The following EEIG2 variants were observed in gnomAD, a reference collection of about 807,000 sequenced individuals.
EEIG2 encodes the protein EEIG family member 2, also known as family with sequence similarity 102 member B.
the EEIG2 span, among the ~76,000 whole-genome samples, chr1:108,590,517 T>C: frequency 1.5e-3 from 221 of 152,324 alleles, 1 homozygote; most frequent in Admixed American, 4.2e-3. Context: ...TTGTGTGTAA[T>C]AATTCATTTG....
chr1:108,572,679 G>T, the EEIG2 span, among the ~76,000 whole-genome samples: 1 of 151,944 alleles, frequency 6.6e-6, no homozygotes, highest in East Asian at 1.9e-4. Flanking sequence ...GCAATGGTGC[G>T]ATCTCGGCTC....
chr1:108,635,116 C>A, the EEIG2 span: 1 of 1,614,122 alleles, frequency 6.2e-7, no homozygotes, highest in South Asian at 1.1e-5. Flanking sequence ...AGGGTGGGGT[C>A]TGGAGCTTAT....
the EEIG2 span, among the ~76,000 whole-genome samples, chr1:108,630,924 A>G: frequency 6.6e-6 from 1 of 152,202 alleles, no homozygotes; most frequent in African/African-American, 2.4e-5. Context: ...CATTTCTTTT[A>G]CTAATACTCA....
the EEIG2 span, among the ~76,000 whole-genome samples, chr1:108,573,554 G>C: frequency 6.6e-6 from 1 of 152,128 alleles, no homozygotes; most frequent in Non-Finnish European, 1.5e-5. Context: ...GAATTTGTTT[G>C]TATTTACAAT....
the EEIG2 span, among the ~76,000 whole-genome samples, chr1:108,619,185 A>G: frequency 6.6e-6 from 1 of 152,186 alleles, no homozygotes; most frequent in South Asian, 2.1e-4. Flanking sequence ...AGATCATCTA[A>G]TGTTTTATAT....
At chr1:108,585,090 C>G in the EEIG2 span, among the ~76,000 whole-genome samples, 1 of 152,082 alleles carries the variant, frequency 6.6e-6, no homozygotes, top group African/African-American at 2.4e-5. Context: ...TAATTATACA[C>G]AATTGAAAAC....
At chr1:108,600,630 G>T in the EEIG2 span, 1 of 1,610,970 alleles carries the variant, frequency 6.2e-7, no homozygotes, top group Middle Eastern at 1.6e-4. Flanking sequence ...CAAAATGAGT[G>T]CAAGTGCTGC....
At chr1:108,578,644 C>T in the EEIG2 span, among the ~76,000 whole-genome samples, 27 of 151,970 alleles carry the variant, frequency 1.8e-4, no homozygotes, top group African/African-American at 6.5e-4. Context: ...ATCCCAGATT[C>T]ACCGAAGTTG....
chr1:108,579,772 T>TGTGTGA, the EEIG2 span, among the ~76,000 whole-genome samples: 104 of 58,874 alleles, frequency 1.8e-3, no homozygotes, highest in African/African-American at 6.1e-3. Flanking sequence ...TGTGTGTGTG[T>TGTGTGA]GAGAGAGAGA....
the EEIG2 span, chr1:108,637,730 T>G: frequency 2.0e-5 from 3 of 152,234 alleles, no homozygotes; most frequent in Non-Finnish European, 4.4e-5. Context: ...ATTTCAAAGC[T>G]GTGTATTTGT....
the EEIG2 span, among the ~76,000 whole-genome samples, chr1:108,610,477 A>G: frequency 1.3e-5 from 2 of 152,202 alleles, no homozygotes; most frequent in East Asian, 3.8e-4. Context: ...AGGATGAGAA[A>G]GCGATGTTGG....
the EEIG2 span, chr1:108,627,961 C>G: frequency 8.8e-5 from 46 of 524,526 alleles, no homozygotes; most frequent in Admixed American, 1.1e-3. Flanking sequence ...AAATATAATT[C>G]TTCAGCGAAC....
the EEIG2 span, chr1:108,625,737 C>A: frequency 1.3e-5 from 2 of 152,720 alleles, no homozygotes; most frequent in African/African-American, 4.8e-5. Flanking sequence ...TCTTCCCCCA[C>A]TCTGCCCCAA....
At chr1:108,623,918 C>T in the EEIG2 span, among the ~76,000 whole-genome samples, 5 of 151,992 alleles carry the variant, frequency 3.3e-5, no homozygotes, top group South Asian at 2.1e-4. Context: ...GTGATCCACC[C>T]GCCTTGGCCT....
At chr1:108,581,071 T>G in the EEIG2 span, among the ~76,000 whole-genome samples, 1 of 152,180 alleles carries the variant, frequency 6.6e-6, no homozygotes, top group African/African-American at 2.4e-5. Flanking sequence ...CTTATCAATG[T>G]GAAAATCCTA....
chr1:108,578,702 A>T, the EEIG2 span, among the ~76,000 whole-genome samples: 1 of 151,790 alleles, frequency 6.6e-6, no homozygotes, highest in Non-Finnish European at 1.5e-5. Context: ...AGGTCGGGTT[A>T]CCCACAAAGG....
chr1:108,600,163 G>A, the EEIG2 span, among the ~76,000 whole-genome samples: 1 of 152,160 alleles, frequency 6.6e-6, no homozygotes, highest in Non-Finnish European at 1.5e-5. Flanking sequence ...CCTAGAATAA[G>A]CATTTGTTCA....
At chr1:108,600,533 T>C in the EEIG2 span, 2 of 1,607,018 alleles carry the variant, frequency 1.2e-6, no homozygotes, top group East Asian at 2.2e-5. Flanking sequence ...TCAATAATAG[T>C]TAATTAATTG....
At chr1:108,633,431 G>T in the EEIG2 span, among the ~76,000 whole-genome samples, 1 of 152,114 alleles carries the variant, frequency 6.6e-6, no homozygotes, top group African/African-American at 2.4e-5. Flanking sequence ...AGGACTACAG[G>T]TGTGAGCCAC....
Sources: allele counts gnomAD v4.1 joint callset (sites outside exome capture counted in the v4.1 genomes callset), GRCh38; gene constraint gnomAD v4.1.1; transcripts MANE v1.5; gene names NCBI Gene and HGNC (gene_info 2026-07-23, HGNC 2026-07-21).